HOMER1: variants seen among roughly 807,000 people sequenced by gnomAD.
HOMER1 encodes the protein homer protein homolog 1.
HOMER1 carries 3 observed loss-of-function variants against 48.9 expected under a neutral mutation model. The ratio of observed to expected loss-of-function variants is 0.06; its 90% CI spans 0.03 to 0.16. HOMER1 has a LOEUF of 0.16. HOMER1 is among the 10% of genes least tolerant of loss of function. HOMER1 has a pLI of 1.00. For synonymous variants in HOMER1, 134 were observed against 146.4 expected (o/e 0.92, Z 0.61); for missense variants, 247 against 411.4 (o/e 0.60, Z 3.46).
intron 5 of HOMER1, among the ~76,000 whole-genome samples, chr5:79,411,844 T>C (rs1370476831): frequency 1.3e-5 from 2 of 152,062 alleles, no homozygotes; most frequent in African/African-American, 2.4e-5. Context: ...TGCAGCTGGG[T>C]GGAGTGGCTC....
chr5:79,408,960 T>C (rs1342631897), intron 5 of HOMER1, among the ~76,000 whole-genome samples: 3 of 151,180 alleles, frequency 2.0e-5, no homozygotes, highest in African/African-American at 7.3e-5. Flanking sequence ...TGGGCGCCTG[T>C]AATCCCAGCT....
intron 1 of HOMER1, among the ~76,000 whole-genome samples, chr5:79,499,651 A>C (rs988579213): frequency 2.0e-5 from 3 of 152,224 alleles, no homozygotes; most frequent in Non-Finnish European, 4.4e-5. Flanking sequence ...AATCTATTAC[A>C]AAGAATTAAA....
chr5:79,395,507 T>G (rs751691249), intron 8 of HOMER1, among the ~76,000 whole-genome samples: 2 of 152,174 alleles, frequency 1.3e-5, no homozygotes, highest in Admixed American at 6.5e-5. Flanking sequence ...CTAATCTATA[T>G]AGACGACTAA....
At chr5:79,454,133 G>A (rs1277319796) in intron 2 of HOMER1, among the ~76,000 whole-genome samples, 1 of 152,136 alleles carries the variant, frequency 6.6e-6, no homozygotes, top group African/African-American at 2.4e-5. Context: ...TTGCTTCAGT[G>A]GGAAGAACAC....
At chr5:79,379,483 T>G (rs1386660901) in intron 8 of HOMER1, among the ~76,000 whole-genome samples, 1 of 129,004 alleles carries the variant, frequency 7.8e-6, no homozygotes, top group Non-Finnish European at 1.6e-5. Context: ...TATAAATATA[T>G]AAATATATAA....
chr5:79,468,348 T>A (rs1025669007), intron 1 of HOMER1, among the ~76,000 whole-genome samples: 5 of 152,222 alleles, frequency 3.3e-5, no homozygotes, highest in African/African-American at 1.2e-4. Flanking sequence ...ACATTTAACA[T>A]TCAAATTGAG....
chr5:79,460,648 A>G (rs910682273), intron 1 of HOMER1, among the ~76,000 whole-genome samples: 1 of 152,136 alleles, frequency 6.6e-6, no homozygotes, highest in Non-Finnish European at 1.5e-5. Flanking sequence ...TGGTTCCCAA[A>G]CTGGGGTGGG....
rs148647063 is a variant in HOMER1 at position 79,510,520 on chromosome 5, C to A, written c.5+2250G>T. The A allele has an allele frequency of 1.1e-3, 776 of 729,990 alleles. 3 individuals carry two copies. In the African/African-American group the frequency reaches 0.012, roughly 12 times the overall value. The allele number at this position is 729,990 out of a possible 1,614,324, so 45.2% of individuals were successfully genotyped here. ...TCAAGAAACCCGAAGCACAAAGATACGAATCTCTTAAGGGGGTGGACCCCA... is the reference window on the plus strand; with the variant it reads ...TCAAGAAACCCGAAGCACAAAGATAAGAATCTCTTAAGGGGGTGGACCCCA... On this transcript the variant is annotated intron_variant, in intron 1 of 8. Coordinates refer to ENST00000334082, the MANE Select transcript of HOMER1 (RefSeq NM_004272.5).
intron 5 of HOMER1, among the ~76,000 whole-genome samples, chr5:79,421,947 C>T (rs1458138857): frequency 6.6e-6 from 1 of 152,072 alleles, no homozygotes; most frequent in Non-Finnish European, 1.5e-5. Flanking sequence ...TCAACATAGG[C>T]CGGATGCAGT....
chr5:79,507,933 T>C (rs1752823716), intron 1 of HOMER1, among the ~76,000 whole-genome samples: 1 of 152,146 alleles, frequency 6.6e-6, no homozygotes, highest in Non-Finnish European at 1.5e-5. Context: ...TCCAATGAAA[T>C]GTCCTAATTC....
intron 8 of HOMER1, among the ~76,000 whole-genome samples, chr5:79,390,752 T>C (rs1341752156): frequency 6.6e-6 from 1 of 151,946 alleles, no homozygotes; most frequent in African/African-American, 2.4e-5. Context: ...CCCAATGCAA[T>C]AGAACTATAA....
chr5:79,395,904 G>C (rs181426542), intron 8 of HOMER1, among the ~76,000 whole-genome samples: 31 of 152,256 alleles, frequency 2.0e-4, no homozygotes, highest in African/African-American at 7.2e-4. Context: ...ATAAATGTTG[G>C]CTGTTCTTAT....
chr5:79,420,624 A>G (rs1284002634), intron 5 of HOMER1, among the ~76,000 whole-genome samples: 1 of 152,204 alleles, frequency 6.6e-6, no homozygotes, highest in Non-Finnish European at 1.5e-5. Flanking sequence ...CCTGTTCACT[A>G]ATGTTTGCCT....
chr5:79,492,905 GTCTTTTT>G (rs1752322922), intron 1 of HOMER1, among the ~76,000 whole-genome samples: 1 of 83,800 alleles, frequency 1.2e-5, no homozygotes, highest in Non-Finnish European at 2.4e-5. Flanking sequence ...CGAAAACTTT[GTCTTTTT>G]TTTTTTTTTT....
At chr5:79,483,647 G>C (rs1163763371) in intron 1 of HOMER1, among the ~76,000 whole-genome samples, 1 of 151,862 alleles carries the variant, frequency 6.6e-6, no homozygotes, top group East Asian at 1.9e-4. Flanking sequence ...ATAGATATCT[G>C]GATCTACTCA....
chr5:79,465,743 T>A lies in HOMER1; in HGVS notation c.6-8725A>T, dbSNP rs567760897. 7.2e-5 allele frequency among the ~76,000 whole-genome samples: 11 copies of A among 151,870 alleles called. No individual in the cohort carries two copies. The East Asian group carries it at 1.7e-3, about 24-fold the overall frequency. On this transcript the variant is annotated intron_variant, in intron 1 of 8. Coordinates refer to ENST00000334082, the MANE Select transcript of HOMER1 (RefSeq NM_004272.5). ...GAGTAGCTGGGACTACAGGCACCCG[T>A]CACCACACCCTGCTAATTTTTTGTA...
At chr5:79,436,868 T>C (rs545375837) in intron 5 of HOMER1, among the ~76,000 whole-genome samples, 16 of 152,312 alleles carry the variant, frequency 1.1e-4, no homozygotes, top group African/African-American at 3.6e-4. Flanking sequence ...CAAAACAAGT[T>C]CAGAGAATGT....
chr5:79,461,096 G>A (rs1039809252), intron 1 of HOMER1, among the ~76,000 whole-genome samples: 1 of 152,152 alleles, frequency 6.6e-6, no homozygotes, highest in Non-Finnish European at 1.5e-5. Context: ...GCAGAGTTTG[G>A]GGAATCACCA....
intron 4 of HOMER1, 84 bp from the exon 5 acceptor site, chr5:79,439,233 G>A: frequency 7.6e-7 from 1 of 1,314,566 alleles, no homozygotes; most frequent in Admixed American, 2.0e-5. Context: ...AACTGCCTTT[G>A]ATGTATGCTT....
Sources: gnomAD v4.1 joint callset for allele counts (sites outside exome capture counted in the v4.1 genomes callset) on GRCh38, gnomAD v4.1.1 for gene constraint, MANE v1.5 for transcripts, NCBI Gene and HGNC (gene_info 2026-07-23, HGNC 2026-07-21) for gene names.